PDE4B: variants seen among roughly 807,000 people sequenced by gnomAD.
PDE4B encodes 3',5'-cyclic-AMP phosphodiesterase 4B.
A neutral mutation model predicts 82.2 loss-of-function variants in PDE4B; 20 were observed. The observed-to-expected ratio is 0.24, with a 90% confidence interval of 0.17 to 0.35. The LOEUF (loss-of-function observed/expected upper bound fraction) is 0.35, where lower values mean the gene tolerates loss of function less well. PDE4B is among the 10% of genes least tolerant of loss of function. The pLI is 1.00. For synonymous variants in PDE4B, 320 were observed against 318.9 expected (o/e 1.00, Z -0.04); for missense variants, 655 against 907.2 (o/e 0.72, Z 3.57).
At chr1:66,332,299 G>C in intron 7 of PDE4B, 1 of 1,537,862 alleles carries the variant, frequency 6.5e-7, no homozygotes. Context: ...GGGTTGGGGG[G>C]AAACTTGGCA....
chr1:66,058,667 C>T (rs1184624133), intron 3 of PDE4B, among the ~76,000 whole-genome samples: 1 of 152,212 alleles, frequency 6.6e-6, no homozygotes, highest in African/African-American at 2.4e-5. Flanking sequence ...GAAGCCATGG[C>T]CTGAGCTGTA....
intron 3 of PDE4B, among the ~76,000 whole-genome samples, chr1:65,944,605 A>G (rs1648607788): frequency 6.6e-6 from 1 of 152,044 alleles, no homozygotes; most frequent in South Asian, 2.1e-4. Context: ...AGAATGAGAA[A>G]AGGACAACAT....
chr1:66,246,412 T>C (rs981817216), intron 3 of PDE4B, among the ~76,000 whole-genome samples: 2 of 152,166 alleles, frequency 1.3e-5, no homozygotes, highest in Admixed American at 6.5e-5. Flanking sequence ...ACTGTTGTGG[T>C]CTAATTTGAA....
rs540834929 is a variant in PDE4B, at chr1:66,327,495, T to A, written c.635-5013T>A. Among the ~76,000 whole-genome samples, 5 of 152,348 alleles carry A rather than the reference T, an allele frequency of 3.3e-5. No individual in the cohort carries two copies. The South Asian group carries it at 1.0e-3, about 32-fold the overall frequency. On this transcript the variant is annotated intron_variant, in intron 7 of 16. Coordinates refer to ENST00000341517, the MANE Select transcript of PDE4B (RefSeq NM_002600.4). ...CTGCAATTTTCTATTTTTCTAAATG[T>A]GCCTATATCCCATCTGTAACAATAA...
chr1:66,308,037 C>A (rs530324968), intron 7 of PDE4B, among the ~76,000 whole-genome samples: 3 of 152,116 alleles, frequency 2.0e-5, no homozygotes, highest in African/African-American at 7.2e-5. Flanking sequence ...CATTACTACC[C>A]CAAATTTACA....
At chr1:66,203,215 C>G (rs997520619) in intron 3 of PDE4B, among the ~76,000 whole-genome samples, 10 of 152,272 alleles carry the variant, frequency 6.6e-5, no homozygotes, top group Non-Finnish European at 1.3e-4. Context: ...GCCGAGAGAT[C>G]TGCTGTTACT....
rs137972439 is a variant in PDE4B at position 65,863,509 on chromosome 1, G to A, written c.-70-49736G>A. ...ATTTGGGATGGAGAGTTCTGTAGAT[G>A]TGTATTAGATATGCTTCTTCCAGAG... On this transcript the variant is annotated intron_variant, in intron 1 of 16. Transcript: ENST00000341517. Among the ~76,000 whole-genome samples, 18 of 152,280 alleles carry A rather than the reference G, an allele frequency of 1.2e-4. No homozygotes were observed. In the East Asian group the frequency reaches 2.5e-3, roughly 21 times the overall value.
At chr1:66,190,386 C>T (rs958735444) in intron 3 of PDE4B, among the ~76,000 whole-genome samples, 1 of 152,208 alleles carries the variant, frequency 6.6e-6, no homozygotes, top group Non-Finnish European at 1.5e-5. Context: ...TTGAAGTCTG[C>T]AGAGGTTTTT....
intron 3 of PDE4B, among the ~76,000 whole-genome samples, chr1:65,975,730 G>A (rs1650369949): frequency 6.6e-6 from 1 of 152,190 alleles, no homozygotes; most frequent in Non-Finnish European, 1.5e-5. Flanking sequence ...GCTAAAAGGA[G>A]CCAGGGTACA....
intron 6 of PDE4B, among the ~76,000 whole-genome samples, chr1:66,262,614 C>A (rs1053882698): frequency 1.3e-5 from 2 of 152,230 alleles, no homozygotes; most frequent in Non-Finnish European, 2.9e-5. Context: ...TACCACTTTC[C>A]TCTGGCATTC....
At chr1:65,948,456 G>A (rs573747780) in intron 3 of PDE4B, among the ~76,000 whole-genome samples, 1 of 152,068 alleles carries the variant, frequency 6.6e-6, no homozygotes, top group African/African-American at 2.4e-5. Context: ...TCAAGGGCAG[G>A]AAGTATCCAG....
At chr1:65,836,782 G>T (rs1646144878) in intron 1 of PDE4B, among the ~76,000 whole-genome samples, 1 of 152,098 alleles carries the variant, frequency 6.6e-6, no homozygotes, top group East Asian at 1.9e-4. Context: ...TTTTAGAGAA[G>T]GATGCCTACA....
chr1:66,032,816 G>A (rs553571494), intron 3 of PDE4B, among the ~76,000 whole-genome samples: 1 of 152,048 alleles, frequency 6.6e-6, no homozygotes, highest in East Asian at 1.9e-4. Context: ...CACCACGCCC[G>A]GCTAATTTTT....
At chr1:66,121,879 A>G (rs1389292051) in intron 3 of PDE4B, among the ~76,000 whole-genome samples, 1 of 152,022 alleles carries the variant, frequency 6.6e-6, no homozygotes, top group Non-Finnish European at 1.5e-5. Context: ...CAGGTAAAAC[A>G]TTTTCTTTCA....
At chr1:66,159,961 C>A (rs1646578138) in intron 3 of PDE4B, among the ~76,000 whole-genome samples, 1 of 152,188 alleles carries the variant, frequency 6.6e-6, no homozygotes, top group African/African-American at 2.4e-5. Flanking sequence ...AGCCTCCTCC[C>A]TCTTCTAGGA....
chr1:66,340,945 T>C (rs1214104421), intron 8 of PDE4B, among the ~76,000 whole-genome samples: 10 of 152,314 alleles, frequency 6.6e-5, no homozygotes, highest in South Asian at 4.1e-4. Flanking sequence ...AACTATCTAA[T>C]GTCTTTGGTC....
chr1:65,933,114 A>G (rs1194983254), intron 3 of PDE4B, among the ~76,000 whole-genome samples: 14 of 152,196 alleles, frequency 9.2e-5, no homozygotes, highest in Admixed American at 9.2e-4. Context: ...AGCAGATACC[A>G]GATGAAATGA....
At chr1:66,272,954 C>G (rs2101753354) in intron 7 of PDE4B, among the ~76,000 whole-genome samples, 1 of 151,742 alleles carries the variant, frequency 6.6e-6, no homozygotes, top group Middle Eastern at 3.4e-3. Flanking sequence ...CCGTGCCCAG[C>G]TAATTTTTTG....
At chr1:65,904,062 A>G (rs748027407) in intron 1 of PDE4B, among the ~76,000 whole-genome samples, 8 of 152,218 alleles carry the variant, frequency 5.3e-5, no homozygotes, top group Non-Finnish European at 1.5e-5. Context: ...TGCTTAAAAC[A>G]AGAATGAACT....
Sources: gnomAD v4.1 joint callset for allele counts (sites outside exome capture counted in the v4.1 genomes callset) on GRCh38, gnomAD v4.1.1 for gene constraint, MANE v1.5 for transcripts, NCBI Gene and HGNC (gene_info 2026-07-23, HGNC 2026-07-21) for gene names.